RASEF: variants seen among roughly 807,000 people sequenced by gnomAD.
RASEF encodes ras and EF-hand domain-containing protein.
A neutral mutation model predicts 90.1 loss-of-function variants in RASEF; 68 were observed. The observed-to-expected ratio is 0.75, with a 90% CI of 0.62 to 0.92. The LOEUF is 0.92. RASEF is among the 40% of genes least tolerant of loss of function. RASEF has a pLI of 0.00. For missense variants in RASEF, 949 were observed against 937.2 expected, an observed-to-expected ratio of 1.01 and a Z score of -0.16; for synonymous variants, 331 against 345.2, an observed-to-expected ratio of 0.96 and a Z score of 0.46.
the RASEF span, among the ~76,000 whole-genome samples, chr9:83,153,068 C>T: frequency 6.6e-6 from 1 of 152,048 alleles, no homozygotes; most frequent in African/African-American, 2.4e-5. Context: ...GCATATATTT[C>T]TATATAATAT....
the RASEF span, among the ~76,000 whole-genome samples, chr9:83,198,094 T>C: frequency 6.6e-6 from 1 of 152,214 alleles, no homozygotes; most frequent in Admixed American, 6.5e-5. Context: ...ACTTACTGGA[T>C]GATTTTATTC....
intron 1 of RASEF, 46 bp downstream of exon 1, chr9:83,062,391 G>T: frequency 6.3e-7 from 1 of 1,591,588 alleles, no homozygotes; most frequent in Non-Finnish European, 8.6e-7. Flanking sequence ...GAAGAAGCAA[G>T]CAGGAAGCGC....
the RASEF span, among the ~76,000 whole-genome samples, chr9:83,148,509 A>C: frequency 6.6e-6 from 1 of 152,158 alleles, no homozygotes; most frequent in Non-Finnish European, 1.5e-5. Context: ...AACAAACCAC[A>C]GGATGGGAGA....
the RASEF span, among the ~76,000 whole-genome samples, chr9:83,175,095 C>T: frequency 2.0e-5 from 3 of 152,126 alleles, no homozygotes; most frequent in African/African-American, 7.2e-5. Flanking sequence ...TCTTCCTTTT[C>T]AATCTGAATG....
the RASEF span, among the ~76,000 whole-genome samples, chr9:83,142,306 T>C: frequency 4.8e-3 from 731 of 152,330 alleles, 10 homozygotes; most frequent in Non-Finnish European, 3.4e-3. Context: ...CAAGTTGAGC[T>C]TTCAGAATTA....
At chr9:83,149,846 T>C in the RASEF span, among the ~76,000 whole-genome samples, 1 of 152,174 alleles carries the variant, frequency 6.6e-6, no homozygotes, top group Non-Finnish European at 1.5e-5. Flanking sequence ...GGGGATTCTA[T>C]ACCAATGACC....
chr9:83,134,929 G>C, the RASEF span, among the ~76,000 whole-genome samples: 1 of 152,130 alleles, frequency 6.6e-6, no homozygotes, highest in East Asian at 1.9e-4. Flanking sequence ...AAGTACTGAT[G>C]CATGCTACAG....
chr9:83,131,891 A>G, the RASEF span, among the ~76,000 whole-genome samples: 1 of 152,176 alleles, frequency 6.6e-6, no homozygotes, highest in Non-Finnish European at 1.5e-5. Flanking sequence ...TGATCAGTTC[A>G]TCTTTCTACC....
At chr9:82,993,233 T>A (rs2118402177) in intron 14 of RASEF, among the ~76,000 whole-genome samples, 1 of 152,044 alleles carries the variant, frequency 6.6e-6, no homozygotes, top group African/African-American at 2.4e-5. Context: ...TTCAGAGAGG[T>A]TAAATAAGAA....
rs1479691964 is a variant in RASEF at position 82,998,494 on chromosome 9, G to T, written c.1724-48C>A. 5.7e-6 allele frequency: 7 copies of T among 1,229,336 alleles called. No homozygotes were observed. The Admixed American group carries it at 1.2e-4, about 21-fold the overall frequency. The allele number at this position is 1,229,336 out of a possible 1,614,324, so 76.2% of individuals were successfully genotyped here. ...AGAGCACGATGTAAATAATTCCATT[G>T]GCTTTTTACTTTCAAGCCTTCTTTA... On this transcript the variant is annotated intron_variant, in intron 12 of 16. Coordinates refer to ENST00000376447, the MANE Select transcript of RASEF (RefSeq NM_152573.4).
At chr9:83,101,773 T>A in the RASEF span, among the ~76,000 whole-genome samples, 2 of 152,212 alleles carry the variant, frequency 1.3e-5, no homozygotes, top group African/African-American at 4.8e-5. Context: ...TACATTTTCA[T>A]CTCTGGTCAC....
At chr9:83,058,647 A>C (rs1450737428) in intron 1 of RASEF, among the ~76,000 whole-genome samples, 1 of 152,214 alleles carries the variant, frequency 6.6e-6, no homozygotes, top group Non-Finnish European at 1.5e-5. Flanking sequence ...ATGGAGAAGC[A>C]ACCCTCACCA....
chr9:83,047,374 T>C (rs1829953097), intron 1 of RASEF, among the ~76,000 whole-genome samples: 1 of 152,226 alleles, frequency 6.6e-6, no homozygotes, highest in Non-Finnish European at 1.5e-5. Flanking sequence ...AACTTTTGCC[T>C]AAGGGACAAA....
At chr9:83,138,819 A>C in the RASEF span, among the ~76,000 whole-genome samples, 1 of 152,124 alleles carries the variant, frequency 6.6e-6, no homozygotes, top group Non-Finnish European at 1.5e-5. Flanking sequence ...AAGCTTTATA[A>C]AAAATAAAAA....
At chr9:83,189,296 T>C in the RASEF span, among the ~76,000 whole-genome samples, 1 of 152,184 alleles carries the variant, frequency 6.6e-6, no homozygotes, top group African/African-American at 2.4e-5. Flanking sequence ...ATGTATTTGC[T>C]TCCACTTCTG....
chr9:83,067,184 G>A (rs891707255), upstream of RASEF, among the ~76,000 whole-genome samples: 4 of 152,050 alleles, frequency 2.6e-5, no homozygotes, highest in African/African-American at 7.3e-5. Flanking sequence ...AGAAAGATCC[G>A]AAATGCCATT....
the RASEF span, among the ~76,000 whole-genome samples, chr9:83,215,544 C>A: frequency 2.0e-5 from 3 of 152,214 alleles, no homozygotes; most frequent in African/African-American, 7.2e-5. Flanking sequence ...ACACATCCTG[C>A]TAAGGGGATC....
intron 14 of RASEF, among the ~76,000 whole-genome samples, chr9:82,996,519 C>T (rs1279259234): frequency 6.6e-6 from 1 of 152,172 alleles, no homozygotes; most frequent in East Asian, 1.9e-4. Flanking sequence ...TACCTTGAGA[C>T]ATCTAAAGAT....
chr9:83,009,831 G>A (rs1829207890), intron 5 of RASEF, 75 bp from the exon 6 acceptor site: 3 of 840,622 alleles, frequency 3.6e-6, no homozygotes, highest in Admixed American at 3.8e-5. Context: ...AAAGTGTCCT[G>A]TCACCCTCCC....
Sources: gnomAD v4.1 joint callset for allele counts (sites outside exome capture counted in the v4.1 genomes callset) on GRCh38, gnomAD v4.1.1 for gene constraint, MANE v1.5 for transcripts, NCBI Gene and HGNC (gene_info 2026-07-23, HGNC 2026-07-21) for gene names.